The following CDK5RAP2 variants were observed in gnomAD, a reference collection of about 807,000 sequenced individuals.
The protein encoded by CDK5RAP2 is CDK5 regulatory subunit-associated protein 2.
Under a neutral mutation model 232.9 loss-of-function variants are expected in CDK5RAP2, and 147 were observed. The observed-to-expected ratio is 0.63, with a 90% CI of 0.55 to 0.72. CDK5RAP2 has a LOEUF of 0.72. Among genes scored for constraint, CDK5RAP2 ranks in the 30% least tolerant of loss-of-function variants. The probability of loss-of-function intolerance (pLI) is 0.00; values close to 1 mark genes in which losing one functional copy is unlikely to be tolerated. For synonymous variants in CDK5RAP2, 833 were observed against 833.7 expected (o/e 1.00, Z 0.01); for missense variants, 2,195 against 2,231.5 (o/e 0.98, Z 0.33).
intron 1 of CDK5RAP2, among the ~76,000 whole-genome samples, chr9:120,577,996 G>T (rs189784253): frequency 6.6e-5 from 10 of 152,210 alleles, no homozygotes; most frequent in African/African-American, 2.4e-4. Flanking sequence ...CACGCCGGGC[G>T]CGGTGGCTCA....
intron 25 of CDK5RAP2, among the ~76,000 whole-genome samples, chr9:120,431,845 C>G (rs1018486944): frequency 6.6e-6 from 1 of 152,186 alleles, no homozygotes; most frequent in African/African-American, 2.4e-5. Context: ...TGGGAGGCAC[C>G]AAGAACAAGG....
chr9:120,434,819 T>C (rs1348919068), intron 25 of CDK5RAP2, among the ~76,000 whole-genome samples: 2 of 152,100 alleles, frequency 1.3e-5, no homozygotes, highest in Non-Finnish European at 2.9e-5. Flanking sequence ...TTTGGCAAAG[T>C]GGAAGTTGTT....
intron 10 of CDK5RAP2, 104 bp from the exon 11 acceptor site, chr9:120,525,182 G>A: frequency 1.1e-6 from 1 of 888,198 alleles, no homozygotes; most frequent in Non-Finnish European, 1.8e-6. Flanking sequence ...ATAATCAAGG[G>A]CTTTGTAGTC....
intron 20 of CDK5RAP2, among the ~76,000 whole-genome samples, chr9:120,457,538 A>G (rs1022148442): frequency 1.3e-5 from 2 of 152,172 alleles, no homozygotes; most frequent in Admixed American, 6.5e-5. Flanking sequence ...AAAATATTGG[A>G]CAGATGTCAG....
rs200393416 is a variant in CDK5RAP2 at position 120,411,465 on chromosome 9, C to T, written c.4307G>A (p.Ser1436Asn). Residue 1436 changes from serine to asparagine, a missense_variant, in exon 29 of 38, where the codon AGC becomes AAC. Physicochemically the swap from Ser to Asn is conservative, Grantham distance 46. Transcript: ENST00000349780. ...QGSEFVQGST[S>N]IFASGSELHS... ...AAGCTCTGAACCAGAAGCAAAAATG[C>T]TTGTAGAACCTATAAAAACACACAT... The T allele has an allele frequency of 6.4e-7, 1 of 1,571,342 alleles. No individual in the cohort carries two copies. Among genetic ancestry groups the T allele is most frequent in the Admixed American group, 1.7e-5 (1 of 59,942 alleles).
At chr9:120,429,550 A>T (rs938356964) in intron 25 of CDK5RAP2, among the ~76,000 whole-genome samples, 2 of 152,232 alleles carry the variant, frequency 1.3e-5, no homozygotes, top group Non-Finnish European at 2.9e-5. Context: ...TTCAACTTAC[A>T]AGGGACGTGA....
intron 20 of CDK5RAP2, among the ~76,000 whole-genome samples, chr9:120,454,731 A>C (rs985365276): frequency 6.6e-6 from 1 of 152,154 alleles, no homozygotes; most frequent in Non-Finnish European, 1.5e-5. Context: ...TTCTGGGGAA[A>C]CTCTCAACCA....
chr9:120,402,961 G>A lies in CDK5RAP2; in HGVS notation c.5152C>T (p.Leu1718=). The change falls in exon 34 of 38, where the codon CTG becomes TTG. Residue 1718 remains leucine (L), a synonymous_variant. Transcript: ENST00000349780. ...CVSRLVTGHH[L]WASKNGRHVL... is the part of the protein sequence containing the mutation. ...TGGCGGCCATTCTTGCTGGCCCACA[G>A]GTGGTGGCCAGTGACCAGGCGGGAC... The A allele has an allele frequency of 3.7e-6, 6 of 1,614,200 alleles. No individual in the cohort carries two copies. The highest frequency in any genetic ancestry group is 1.6e-4 in the Middle Eastern group (1 of 6,062).
intron 25 of CDK5RAP2, among the ~76,000 whole-genome samples, chr9:120,424,616 C>T (rs577824715): frequency 1.3e-4 from 20 of 152,128 alleles, no homozygotes; most frequent in South Asian, 2.1e-4. Context: ...AGTGCCAGCC[C>T]AGCCTTCCAA....
chr9:120,389,595 T>C (rs929761210), intron 37 of CDK5RAP2, 146 bp downstream of exon 37: 1 of 772,668 alleles, frequency 1.3e-6, no homozygotes, highest in African/African-American at 1.7e-5. Flanking sequence ...AACACAACTT[T>C]TCATGCACTG....
chr9:120,502,877 A>G (rs1237814756), intron 12 of CDK5RAP2, among the ~76,000 whole-genome samples: 2 of 152,188 alleles, frequency 1.3e-5, no homozygotes, highest in Non-Finnish European at 2.9e-5. Context: ...GGAAACCACC[A>G]TTTACTGAGC....
chr9:120,408,496 G>A, intron 30 of CDK5RAP2, 28 bp from the exon 31 acceptor site: 1 of 1,613,736 alleles, frequency 6.2e-7, no homozygotes, highest in Non-Finnish European at 8.5e-7. Context: ...GCATGAGAAG[G>A]ACAGGTTAAT....
chr9:120,437,567 G>T, intron 24 of CDK5RAP2, 40 bp from the exon 25 acceptor site: 1 of 1,492,036 alleles, frequency 6.7e-7, no homozygotes, highest in East Asian at 2.3e-5. Context: ...GACCATTTTA[G>T]AATTGAATTT....
chr9:120,394,792 G>A (rs1419436071), intron 35 of CDK5RAP2, among the ~76,000 whole-genome samples, 154 bp from the exon 36 acceptor site: 1 of 152,164 alleles, frequency 6.6e-6, no homozygotes, highest in Non-Finnish European at 1.5e-5. Flanking sequence ...ACCAGGAAAA[G>A]GCAAAATTGG....
At chr9:120,540,922 A>C (rs1278925940) in intron 5 of CDK5RAP2, among the ~76,000 whole-genome samples, 8 of 152,182 alleles carry the variant, frequency 5.3e-5, no homozygotes, top group Admixed American at 6.5e-5. Flanking sequence ...GGCCAAAGCC[A>C]AGGCGCCTAT....
At chr9:120,499,103 A>T (rs2039454651) in intron 12 of CDK5RAP2, among the ~76,000 whole-genome samples, 1 of 152,224 alleles carries the variant, frequency 6.6e-6, no homozygotes, top group South Asian at 2.1e-4. Flanking sequence ...ACAATCAGGG[A>T]AATCTAAACA....
chr9:120,427,067 G>C (rs1490754266), intron 25 of CDK5RAP2, among the ~76,000 whole-genome samples: 1 of 152,114 alleles, frequency 6.6e-6, no homozygotes, highest in South Asian at 2.1e-4. Flanking sequence ...TTTTAATTTT[G>C]GTTGATGTAT....
In CDK5RAP2 at chr9:120,430,226, A is replaced by G. The variant is rs552448644; in HGVS notation, c.3955+7069T>C. 3.3e-5 allele frequency among the ~76,000 whole-genome samples: 5 copies of G among 152,322 alleles called. No individual in the cohort carries two copies. In the East Asian group the frequency reaches 7.7e-4, roughly 24 times the overall value. The stretch of plus-strand genomic sequence containing the variant: ...GCAAGGACTTCATGTCTAAAACACC[A>G]AAAGCAATGGCAACAAAAGCCAAAA... On this transcript the variant is annotated intron_variant, in intron 25 of 37. Transcript: ENST00000349780.
At chr9:120,415,920 A>C (rs550549514) in intron 27 of CDK5RAP2, among the ~76,000 whole-genome samples, 161 of 152,328 alleles carry the variant, frequency 1.1e-3, no homozygotes, top group African/African-American at 3.4e-3. Context: ...TAGTACATTC[A>C]TGATGATGCA....
Sources: allele counts gnomAD v4.1 joint callset (sites outside exome capture counted in the v4.1 genomes callset), GRCh38; gene constraint gnomAD v4.1.1; transcripts MANE v1.5; gene names NCBI Gene and HGNC (gene_info 2026-07-23, HGNC 2026-07-21).